Variants in UGT2A2 observed in about 807,000 individuals in gnomAD.
The protein encoded by UGT2A2 is UDP-glucuronosyltransferase 2A2.
UGT2A2 carries 60 observed loss-of-function variants against 50.7 expected under a neutral mutation model. The ratio of observed to expected loss-of-function variants is 1.18; its 90% confidence interval spans 0.96 to 1.47. The LOEUF (loss-of-function observed/expected upper bound fraction) is 1.47. Among genes scored for constraint, UGT2A2 ranks in the 40% most tolerant of loss-of-function variants. UGT2A2 has a pLI of 0.00. For missense variants in UGT2A2, 762 were observed against 634.0 expected (o/e 1.20, Z -2.17); for synonymous variants, 242 against 214.6 (o/e 1.13, Z -1.11).
intron 1 of UGT2A2, chr4:69,635,672 A>G: frequency 7.6e-6 from 2 of 262,766 alleles, no homozygotes; most frequent in South Asian, 3.1e-5. Context: ...TCTATTAAAA[A>G]TACAAAAATT....
chr4:69,633,430 C>G (rs1292105195), intron 1 of UGT2A2, among the ~76,000 whole-genome samples: 4 of 152,158 alleles, frequency 2.6e-5, no homozygotes, highest in Non-Finnish European at 5.9e-5. Context: ...TATGACCTGT[C>G]AATTCCACTC....
rs1719609804 is a variant in UGT2A2, at chr4:69,606,332, A to G, written c.743-6938T>C. On this transcript the variant is annotated intron_variant, in intron 1 of 5. Transcript: ENST00000604629. ...AACCAAAGACAAAAACCACATGATTATCTCAATAGATGCAGAAAAGGCCTT... is the reference window on the plus strand; with the variant it reads ...AACCAAAGACAAAAACCACATGATTGTCTCAATAGATGCAGAAAAGGCCTT... Among the ~76,000 whole-genome samples the G allele has an allele frequency of 1.5e-5, 2 of 136,760 alleles. 1 individual carries two copies. The highest frequency in any genetic ancestry group is 1.4e-4 in the Admixed American group (2 of 13,894). 89.7% of individuals were successfully genotyped at this position (136,760 alleles called of 152,430 possible). A position where few individuals can be genotyped will look rare whatever the true frequency, so the allele number is the denominator to read the frequency against.
At chr4:69,604,320 C>T (rs10027493) in intron 1 of UGT2A2, among the ~76,000 whole-genome samples, 34,578 of 122,042 alleles carry the variant, frequency 0.28, 9,666 homozygotes, top group East Asian at 0.69. Flanking sequence ...CCAAACTAAG[C>T]TTCATAAGAG....
intron 1 of UGT2A2, among the ~76,000 whole-genome samples, chr4:69,611,514 A>C (rs1446676681): frequency 6.6e-6 from 1 of 152,128 alleles, no homozygotes; most frequent in African/African-American, 2.4e-5. Context: ...AATACTTTAA[A>C]TGAAGAGTAA....
intron 1 of UGT2A2, among the ~76,000 whole-genome samples, chr4:69,634,158 T>C (rs886378716): frequency 1.3e-5 from 2 of 151,970 alleles, no homozygotes; most frequent in African/African-American, 2.4e-5. Flanking sequence ...GGCAGGAGAA[T>C]GGCGTGAACC....
rs1325738095 is a variant in UGT2A2, at chr4:69,588,772, G to C, written c.*600C>G. 4.6e-5 allele frequency: 7 copies of C among 152,056 alleles called. No individual in the cohort carries two copies. The highest frequency in any genetic ancestry group is 2.0e-4 in the Admixed American group (3 of 15,256). The allele number at this position is 152,056 out of a possible 1,614,324, so 9.4% of individuals were successfully genotyped here. On this transcript the variant is annotated 3_prime_UTR_variant, in exon 6 of 6. Coordinates refer to ENST00000604629, the MANE Select transcript of UGT2A2 (RefSeq NM_001105677.2). ...AGGCAAGTTATGCCGTGATTTTCTA[G>C]ATATGCTTAATGAAAATTTTGTAGA...
rs1293798953 is a variant in UGT2A2, at chr4:69,602,340, A to G, written c.743-2946T>C. Among the ~76,000 whole-genome samples, 2 of 137,680 alleles carry G rather than the reference A, an allele frequency of 1.5e-5. 1 individual carries two copies. The highest frequency in any genetic ancestry group is 5.8e-5 in the African/African-American group (2 of 34,250). 90.3% of individuals were successfully genotyped at this position (137,680 alleles called of 152,430 possible). A position where few individuals can be genotyped will look rare whatever the true frequency, so the allele number is the denominator to read the frequency against. ...AATGTAACCTTTATGTTAAAATAGT[A>G]AGAGCATTCTTATCAAGACGAAAAA... On this transcript the variant is annotated intron_variant, in intron 1 of 5. Coordinates refer to ENST00000604629, the MANE Select transcript of UGT2A2 (RefSeq NM_001105677.2).
chr4:69,603,962 G>T (rs1719453629), intron 1 of UGT2A2, among the ~76,000 whole-genome samples: 1 of 136,500 alleles, frequency 7.3e-6, no homozygotes, highest in Non-Finnish European at 1.6e-5. Context: ...GAAAGTGATG[G>T]GGAGAATGGA....
chr4:69,597,158 GTA>G (rs1354931309), intron 2 of UGT2A2, among the ~76,000 whole-genome samples: 1 of 152,110 alleles, frequency 6.6e-6, no homozygotes, highest in African/African-American at 2.4e-5. Flanking sequence ...TTTCTCAACT[GTA>G]TGCCTCCTTT....
At chr4:69,612,734 T>C (rs956029723) in intron 1 of UGT2A2, among the ~76,000 whole-genome samples, 2 of 151,924 alleles carry the variant, frequency 1.3e-5, no homozygotes, top group South Asian at 2.1e-4. Context: ...TAATGGAATG[T>C]GGATCAAAGA....
At chr4:69,613,674 T>C (rs1180581402) in intron 1 of UGT2A2, among the ~76,000 whole-genome samples, 3 of 151,970 alleles carry the variant, frequency 2.0e-5, no homozygotes, top group Non-Finnish European at 4.4e-5. Flanking sequence ...TTTCAACATA[T>C]GCAAATCAAT....
At chr4:69,595,900 T>C (rs560179170) in intron 3 of UGT2A2, among the ~76,000 whole-genome samples, 2 of 152,342 alleles carry the variant, frequency 1.3e-5, no homozygotes, top group Non-Finnish European at 2.9e-5. Context: ...TCTCTTTTCC[T>C]GGACCATGGA....
rs150269706 is a variant in UGT2A2, at chr4:69,617,969, T to C, written c.743-18575A>G. Among the ~76,000 whole-genome samples the C allele has an allele frequency of 5.3e-3, 800 of 152,066 alleles. 9 individuals are homozygous for C. Among genetic ancestry groups the C allele is most frequent in the African/African-American group, 0.018 (734 of 41,506 alleles). ...ATCCTAACATTATTGTGTTCAAATA[T>C]GTCTTTCGGAAATCATTCACATTTG... On this transcript the variant is annotated intron_variant, in intron 1 of 5. Coordinates refer to ENST00000604629, the MANE Select transcript of UGT2A2 (RefSeq NM_001105677.2).
rs906225226 is a variant in UGT2A2 at position 69,601,793 on chromosome 4, A to G, written c.743-2399T>C. Among the ~76,000 whole-genome samples, 15 of 93,182 alleles carry G rather than the reference A, an allele frequency of 1.6e-4. 4 individuals are homozygous for G. Among genetic ancestry groups the G allele is most frequent in the African/African-American group, 7.8e-4 (15 of 19,306 alleles). The allele number at this position is 93,182 out of a possible 152,430, so 61.1% of individuals were successfully genotyped here. A position where few individuals can be genotyped will look rare whatever the true frequency, so the allele number is the denominator to read the frequency against. ...GGTCATATCACTGGATCCCTTGCAG[A>G]CATTCCCTAGCACCAGTCTGGGGTG... On this transcript the variant is annotated intron_variant, in intron 1 of 5. Coordinates refer to ENST00000604629, the MANE Select transcript of UGT2A2 (RefSeq NM_001105677.2).
chr4:69,625,040 C>T (rs1720963658), intron 1 of UGT2A2, among the ~76,000 whole-genome samples: 1 of 150,988 alleles, frequency 6.6e-6, no homozygotes, highest in South Asian at 2.1e-4. Context: ...ATTAAATTGG[C>T]TGGGTATTAA....
At position 69,600,800 on chromosome 4, in the gene UGT2A2, C is replaced by T. The variant is rs1469223897; in HGVS notation, c.743-1406G>A. On this transcript the variant is annotated intron_variant, in intron 1 of 5. Transcript: ENST00000604629. Reference sequence around the variant, plus strand: ...AAGAGAGAGAGTGAGGGCAAAGGTGCTATACACTTAAAAAAAAAAACAGAT... The same window carrying T: ...AAGAGAGAGAGTGAGGGCAAAGGTGTTATACACTTAAAAAAAAAAACAGAT... 9.7e-5 allele frequency among the ~76,000 whole-genome samples: 13 copies of T among 134,156 alleles called. No individual in the cohort carries two copies. In the South Asian group the frequency reaches 2.5e-3, roughly 26 times the overall value. 88.0% of individuals were successfully genotyped at this position (134,156 alleles called of 152,430 possible). A position where few individuals can be genotyped will look rare whatever the true frequency, so the allele number is the denominator to read the frequency against.
chr4:69,636,773 C>A (rs923095619), intron 1 of UGT2A2, among the ~76,000 whole-genome samples: 2 of 152,148 alleles, frequency 1.3e-5, no homozygotes, highest in Admixed American at 6.5e-5. Context: ...AAGTATAATT[C>A]TTTATAGTTG....
At chr4:69,602,813 C>T (rs1719373325) in intron 1 of UGT2A2, among the ~76,000 whole-genome samples, 1 of 136,800 alleles carries the variant, frequency 7.3e-6, no homozygotes, top group Non-Finnish European at 1.6e-5. Flanking sequence ...TGTCCATTCT[C>T]TAAAATCAAT....
intron 1 of UGT2A2, 27 bp from the exon 2 acceptor site, chr4:69,599,421 G>C: frequency 6.2e-7 from 1 of 1,608,684 alleles, no homozygotes; most frequent in Non-Finnish European, 8.5e-7. Flanking sequence ...AAGTTGGATG[G>C]AGGAAATTAG....
Sources: gnomAD v4.1 joint callset for allele counts (sites outside exome capture counted in the v4.1 genomes callset) on GRCh38, gnomAD v4.1.1 for gene constraint, MANE v1.5 for transcripts, NCBI Gene and HGNC (gene_info 2026-07-23, HGNC 2026-07-21) for gene names.